Variants in FIGN observed in about 807,000 individuals in gnomAD.
FIGN encodes fidgetin.
Under a neutral mutation model 51.3 loss-of-function variants are expected in FIGN, and 11 were observed. The observed-to-expected ratio is 0.21, with a 90% CI of 0.13 to 0.35. FIGN has a LOEUF of 0.35. FIGN is among the 10% of genes least tolerant of loss of function. The probability of loss-of-function intolerance (pLI) is 1.00; values close to 1 mark genes in which losing one functional copy is unlikely to be tolerated. For synonymous variants in FIGN, 407 were observed against 363.2 expected, an observed-to-expected ratio of 1.12 and a Z score of -1.37; for missense variants, 857 against 943.6, an observed-to-expected ratio of 0.91 and a Z score of 1.20.
At chr2:163,690,523 A>G (rs564496033) in intron 2 of FIGN, among the ~76,000 whole-genome samples, 2 of 152,278 alleles carry the variant, frequency 1.3e-5, no homozygotes, top group East Asian at 3.9e-4. Flanking sequence ...CACACAATAT[A>G]TAAGATGTAA....
rs1334311456 is a variant in FIGN, at chr2:163,603,192, A to G, written c.*6360T>C. ...GATTGTTTCATTTTTAATGAGTGCA[A>G]TAATAACACATTTAGTTTCAGCAGA... On this transcript the variant is annotated 3_prime_UTR_variant, in exon 3 of 3. Coordinates refer to ENST00000333129, the MANE Select transcript of FIGN (RefSeq NM_018086.4). 6.6e-6 allele frequency: 1 copy of G among 152,102 alleles called. No homozygotes were observed. The highest frequency in any genetic ancestry group is 2.4e-5 in the African/African-American group (1 of 41,436). The allele number at this position is 152,102 out of a possible 1,614,324, so 9.4% of individuals were successfully genotyped here. A position where few individuals can be genotyped will look rare whatever the true frequency, so the allele number is the denominator to read the frequency against.
chr2:163,700,159 C>T (rs897753947), intron 2 of FIGN, among the ~76,000 whole-genome samples: 2 of 152,144 alleles, frequency 1.3e-5, no homozygotes, highest in Non-Finnish European at 2.9e-5. Flanking sequence ...ACCTAGTAAA[C>T]TATTGACATT....
chr2:163,628,918 T>C (rs1388685824), intron 2 of FIGN, among the ~76,000 whole-genome samples: 1 of 152,164 alleles, frequency 6.6e-6, no homozygotes, highest in Non-Finnish European at 1.5e-5. Context: ...AGCCCAGAGC[T>C]AAAGTTGCAA....
intron 2 of FIGN, among the ~76,000 whole-genome samples, chr2:163,694,846 T>A (rs903708643): frequency 2.0e-5 from 3 of 152,162 alleles, no homozygotes; most frequent in African/African-American, 7.2e-5. Flanking sequence ...GAGATGGGGA[T>A]CTCGCTATGT....
chr2:163,655,716 A>G (rs1156415126), intron 2 of FIGN, among the ~76,000 whole-genome samples: 4 of 151,952 alleles, frequency 2.6e-5, no homozygotes, highest in African/African-American at 9.7e-5. Context: ...ATGTGGTTTA[A>G]GCTCTGATGA....
chr2:163,651,710 A>T (rs1444845791), intron 2 of FIGN, among the ~76,000 whole-genome samples: 1 of 152,182 alleles, frequency 6.6e-6, no homozygotes, highest in African/African-American at 2.4e-5. Flanking sequence ...TGACTCAAAG[A>T]GCTACAATAT....
chr2:163,665,674 T>C (rs1247864053), intron 2 of FIGN, among the ~76,000 whole-genome samples: 1 of 152,230 alleles, frequency 6.6e-6, no homozygotes, highest in Non-Finnish European at 1.5e-5. Context: ...TCTGCTGCTT[T>C]GTGAGCAATC....
In FIGN at chr2:163,610,128, A is replaced by G. The variant is rs188936612; in HGVS notation, c.1704T>C (p.His568=). ...GACACCTGGCCACAAGAAAAGAGGC[A>G]TGGATAATTTTCTCTGCTTCTCCTA... ...KWLGEAEKII[H]ASFLVARCRQ... is the part of the protein sequence containing the mutation. Residue 568 remains histidine, a synonymous_variant, in exon 3 of 3, where the codon CAT becomes CAC. Coordinates refer to ENST00000333129, the MANE Select transcript of FIGN (RefSeq NM_018086.4). 1.8e-3 allele frequency: 2,937 copies of G among 1,614,128 alleles called. 14 individuals are homozygous for G. The highest frequency in any genetic ancestry group is 1.5e-3 in the Non-Finnish European group (1,794 of 1,180,004).
At chr2:163,707,975 A>C (rs1684528030) in intron 2 of FIGN, among the ~76,000 whole-genome samples, 1 of 152,182 alleles carries the variant, frequency 6.6e-6, no homozygotes, top group South Asian at 2.1e-4. Context: ...TGTGATATCA[A>C]ATCCTATTTG....
chr2:163,715,111 C>A (rs2389945), intron 2 of FIGN, among the ~76,000 whole-genome samples: 151,993 of 152,320 alleles, frequency 1, 75,842 homozygotes, highest in Middle Eastern at 1. Flanking sequence ...ATAGCTTATA[C>A]TGTCTGTGGC....
At chr2:163,678,074 A>C (rs1684002645) in intron 2 of FIGN, among the ~76,000 whole-genome samples, 1 of 152,242 alleles carries the variant, frequency 6.6e-6, no homozygotes, top group African/African-American at 2.4e-5. Flanking sequence ...GTGCATTAGC[A>C]CAACCAATGA....
chr2:163,627,841 A>T (rs1438540603), intron 2 of FIGN, among the ~76,000 whole-genome samples: 4 of 152,152 alleles, frequency 2.6e-5, no homozygotes, highest in African/African-American at 9.7e-5. Flanking sequence ...TCCACTGTTG[A>T]AGGCTTACTA....
intron 2 of FIGN, among the ~76,000 whole-genome samples, chr2:163,622,359 C>T (rs1252011363): frequency 1.3e-5 from 2 of 151,846 alleles, no homozygotes; most frequent in Non-Finnish European, 2.9e-5. Flanking sequence ...AATAAAGTTG[C>T]TCCCAATATT....
intron 2 of FIGN, among the ~76,000 whole-genome samples, chr2:163,631,209 C>A (rs531203087): frequency 1.3e-3 from 193 of 152,250 alleles, no homozygotes; most frequent in Admixed American, 2.1e-3. Context: ...GTTTTATTAG[C>A]TAATTCTTAA....
intron 2 of FIGN, among the ~76,000 whole-genome samples, chr2:163,653,737 CTCTA>C (rs1320524137): frequency 1.3e-5 from 2 of 152,092 alleles, no homozygotes; most frequent in African/African-American, 4.8e-5. Flanking sequence ...ACCAATGAAT[CTCTA>C]TCTATACGAT....
At chr2:163,649,799 A>C (rs1683442878) in intron 2 of FIGN, among the ~76,000 whole-genome samples, 1 of 152,244 alleles carries the variant, frequency 6.6e-6, no homozygotes, top group Admixed American at 6.5e-5. Flanking sequence ...AGTTTACAAG[A>C]GGAAATTTAG....
chr2:163,730,764 G>A (rs908460327), intron 2 of FIGN, among the ~76,000 whole-genome samples: 5 of 152,122 alleles, frequency 3.3e-5, no homozygotes, highest in African/African-American at 1.2e-4. Flanking sequence ...GATTAATCAA[G>A]TTCTATCGAT....
intron 2 of FIGN, among the ~76,000 whole-genome samples, chr2:163,630,020 G>T (rs932058153): frequency 1.4e-5 from 2 of 139,222 alleles, no homozygotes; most frequent in Non-Finnish European, 3.0e-5. Flanking sequence ...CAGTGCAGTG[G>T]TATAATCTTG....
Position 163,604,935 on chromosome 2 carries a change from G to GATTTTTT in FIGN, c.*4616_*4617insAAAAAAT, listed in dbSNP as rs1574218376. ...GTTTTAAGCCCAGAAATAAACTTTT[G>GATTTTTT]CTTTTTTTTTTTTTTTTTTTGTATC... On this transcript the variant is annotated 3_prime_UTR_variant, in exon 3 of 3. Coordinates refer to ENST00000333129, the MANE Select transcript of FIGN (RefSeq NM_018086.4). The GATTTTTT allele has an allele frequency of 1.7e-4, 2 of 11,742 alleles. No individual in the cohort carries two copies. The highest frequency in any genetic ancestry group is 8.3e-3 in the East Asian group (1 of 120). The allele number at this position is 11,742 out of a possible 1,614,324, so 0.7% of individuals were successfully genotyped here. A position where few individuals can be genotyped will look rare whatever the true frequency, so the allele number is the denominator to read the frequency against.
Sources: gnomAD v4.1 joint callset for allele counts (sites outside exome capture counted in the v4.1 genomes callset) on GRCh38, gnomAD v4.1.1 for gene constraint, MANE v1.5 for transcripts, NCBI Gene and HGNC (gene_info 2026-07-23, HGNC 2026-07-21) for gene names.